Variants in CNKSR2 observed in about 807,000 individuals in gnomAD.
CNKSR2 encodes connector enhancer of kinase suppressor of Ras 2.
Under a neutral mutation model 84.4 loss-of-function variants are expected in CNKSR2, and 14 were observed. That is an observed-to-expected ratio of 0.17 (90% confidence interval 0.11 to 0.26). The LOEUF (loss-of-function observed/expected upper bound fraction) is 0.26, where lower values mean the gene tolerates loss of function less well. CNKSR2 is among the 10% of genes least tolerant of loss of function. The pLI is 1.00. For synonymous variants in CNKSR2, 275 were observed against 277.9 expected (o/e 0.99, Z 0.10); for missense variants, 485 against 771.2 (o/e 0.63, Z 4.40).
chrX:21,595,416 T>C (rs1433424455), intron 17 of CNKSR2, 21 bp downstream of exon 17: 11 of 1,006,672 alleles, frequency 1.1e-5, no homozygotes, highest in East Asian at 6.2e-5. Context: ...TCAGAGTATG[T>C]AGAAGGTCAG....
chrX:21,560,906 G>A (rs183815372), intron 11 of CNKSR2, among the ~76,000 whole-genome samples: 1 of 111,321 alleles, frequency 9.0e-6, no homozygotes, highest in Non-Finnish European at 1.9e-5. Context: ...ATGCTTAGAA[G>A]CAGACTCAGC....
intron 8 of CNKSR2, 119 bp from the exon 9 acceptor site, chrX:21,516,366 G>A (rs763761226): frequency 5.6e-6 from 4 of 718,814 alleles, no homozygotes; most frequent in Non-Finnish European, 8.2e-6. Flanking sequence ...CCTGAAAATT[G>A]ATAGGATGGT....
intron 20 of CNKSR2, among the ~76,000 whole-genome samples, chrX:21,618,149 G>T (rs1294305954): frequency 3.6e-5 from 4 of 111,019 alleles, no homozygotes; most frequent in Non-Finnish European, 7.5e-5. Context: ...TAGCCACTGA[G>T]TCTGGTGACC....
chrX:21,470,861 A>T, intron 5 of CNKSR2, 54 bp downstream of exon 5: 2 of 679,708 alleles, frequency 2.9e-6, no homozygotes, highest in Non-Finnish European at 4.4e-6. Flanking sequence ...TCCTTGTTCA[A>T]CTAGAAGAGG....
chrX:21,602,371 T>G (rs2092487943), intron 18 of CNKSR2, among the ~76,000 whole-genome samples: 1 of 111,473 alleles, frequency 9.0e-6, no homozygotes, highest in South Asian at 3.8e-4. Flanking sequence ...ATGTTGCCCA[T>G]GCTGGTCCCA....
intron 1 of CNKSR2, among the ~76,000 whole-genome samples, chrX:21,409,981 A>G (rs939071088): frequency 1.8e-5 from 2 of 110,420 alleles, no homozygotes; most frequent in African/African-American, 3.3e-5. Context: ...GGGGCTGGCA[A>G]TTACAAAAAC....
intron 4 of CNKSR2, chrX:21,441,103 C>CT (rs1315673101): frequency 7.6e-6 from 1 of 131,674 alleles, no homozygotes; most frequent in African/African-American, 3.2e-5. Context: ...AACCAGATGC[C>CT]TTCAGGGTCC....
intron 13 of CNKSR2, among the ~76,000 whole-genome samples, chrX:21,589,078 G>A (rs981630786): frequency 8.9e-6 from 1 of 112,365 alleles, no homozygotes; most frequent in Admixed American, 9.4e-5. Context: ...CAAAATTTGT[G>A]AATTTCTATA....
chrX:21,596,977 T>G (rs1455197184), intron 17 of CNKSR2, among the ~76,000 whole-genome samples: 1 of 111,722 alleles, frequency 9.0e-6, no homozygotes, highest in African/African-American at 3.2e-5. Flanking sequence ...ACTATCCATT[T>G]TACCATATGT....
intron 8 of CNKSR2, among the ~76,000 whole-genome samples, chrX:21,512,277 G>T (rs1160661026): frequency 1.8e-5 from 2 of 111,272 alleles, no homozygotes; most frequent in African/African-American, 6.5e-5. Context: ...GAAATAAAGG[G>T]TCGGGGGAGG....
rs2089769092 is a variant in CNKSR2, at chrX:21,374,593, A to AGGCAGCAGC, written c.-304_-296dup. 9 of 445,163 alleles carry AGGCAGCAGC rather than the reference A, an allele frequency of 2.0e-5. No homozygotes were observed. The highest frequency in any genetic ancestry group is 4.3e-5 in the East Asian group (1 of 23,210). The allele number at this position is 445,163 out of a possible 1,213,427, so 36.7% of individuals were successfully genotyped here. A position where few individuals can be genotyped will look rare whatever the true frequency, so the allele number is the denominator to read the frequency against. On this transcript the variant is annotated 5_prime_UTR_variant, in exon 1 of 22. Coordinates refer to ENST00000379510, the MANE Select transcript of CNKSR2 (RefSeq NM_014927.5). ...GACGGAGACCGGAGCGGAGCGGCGG[A>AGGCAGCAGC]GGCAGCAGCAGCAGCAGCAGCAGCA...
At chrX:21,642,597 T>G in intron 20 of CNKSR2, 1 of 744,717 alleles carries the variant, frequency 1.3e-6, no homozygotes, top group Middle Eastern at 7.7e-4. Context: ...TTTCATACTG[T>G]GCAATGAACA....
intron 4 of CNKSR2, among the ~76,000 whole-genome samples, chrX:21,462,121 G>T (rs771484959): frequency 7.2e-4 from 80 of 111,602 alleles, no homozygotes; most frequent in African/African-American, 2.4e-3. Flanking sequence ...TCTGTAGATT[G>T]CTTAGGTAGT....
chrX:21,627,350 T>A (rs1208935396), intron 20 of CNKSR2, among the ~76,000 whole-genome samples: 4 of 107,470 alleles, frequency 3.7e-5, no homozygotes, highest in Non-Finnish European at 7.7e-5. Flanking sequence ...AAAAAAAAAA[T>A]TAGCCTGGCA....
intron 1 of CNKSR2, among the ~76,000 whole-genome samples, chrX:21,404,212 A>G (rs1480135520): frequency 8.9e-6 from 1 of 111,759 alleles, no homozygotes; most frequent in Non-Finnish European, 1.9e-5. Context: ...CTAACTTCTT[A>G]AGGAGTAAAG....
intron 15 of CNKSR2, chrX:21,592,701 C>T (rs2092428280): frequency 9.0e-6 from 1 of 111,144 alleles, no homozygotes; most frequent in Non-Finnish European, 1.9e-5. Context: ...GTTTTCTGTA[C>T]TTTTGACATT....
intron 20 of CNKSR2, among the ~76,000 whole-genome samples, chrX:21,617,217 C>G (rs779680348): frequency 9.0e-6 from 1 of 111,397 alleles, no homozygotes; most frequent in Non-Finnish European, 1.9e-5. Flanking sequence ...TCAATAATAG[C>G]ATATTATTCA....
intron 1 of CNKSR2, among the ~76,000 whole-genome samples, chrX:21,414,196 G>A (rs938333550): frequency 9.0e-5 from 10 of 110,967 alleles, no homozygotes; most frequent in African/African-American, 3.0e-4. Context: ...AACAGTATAC[G>A]AGGGTTGCCT....
chrX:21,452,823 A>C (rs1419922878), intron 4 of CNKSR2, among the ~76,000 whole-genome samples: 2 of 77,854 alleles, frequency 2.6e-5, no homozygotes, highest in Non-Finnish European at 4.8e-5. Flanking sequence ...TTTATTTTGC[A>C]GACCCCATGT....
Sources: gnomAD v4.1 joint callset for allele counts (sites outside exome capture counted in the v4.1 genomes callset) on GRCh38, gnomAD v4.1.1 for gene constraint, MANE v1.5 for transcripts, NCBI Gene and HGNC (gene_info 2026-07-23, HGNC 2026-07-21) for gene names.